Variants in LENG1 observed in about 807,000 individuals in gnomAD.
LENG1 encodes leukocyte receptor cluster member 1, also known as leukocyte receptor cluster (LRC) member 1.
In LENG1, 35 loss-of-function variants were observed where a neutral mutation model predicts 28.8. The ratio of observed to expected loss-of-function variants is 1.22; its 90% CI spans 0.93 to 1.61. The LOEUF (loss-of-function observed/expected upper bound fraction) is 1.61. Ranked by LOEUF, LENG1 falls within the 40% of genes most tolerant of loss-of-function variation. The pLI, the probability that LENG1 is intolerant of heterozygous loss-of-function variation, is 0.00. For missense variants in LENG1, 404 were observed against 348.9 expected, an observed-to-expected ratio of 1.16 and a Z score of -1.26; for synonymous variants, 170 against 140.6, an observed-to-expected ratio of 1.21 and a Z score of -1.48.
chr19:54,156,024 C>G, intron 3 of LENG1, 84 bp from the exon 4 acceptor site: 1 of 1,245,612 alleles, frequency 8.0e-7, no homozygotes, highest in Admixed American at 2.2e-5. Context: ...GAGCTGCCGC[C>G]TGGAAGCCCC....
intron 3 of LENG1, among the ~76,000 whole-genome samples, chr19:54,156,421 G>C (rs1344127514): frequency 6.6e-6 from 1 of 152,184 alleles, no homozygotes; most frequent in Admixed American, 6.5e-5. Context: ...CAAATCATTA[G>C]TGAAAACTAA....
chr19:54,155,300 C>A lies in LENG1; in HGVS notation c.*421G>T. ...CGTCCACTCACTGACCGCCTTCTCC[C>A]CCGGCCAGGGCACCTACATCTACTT... On this transcript the variant is annotated 3_prime_UTR_variant, in exon 4 of 4. Transcript: ENST00000222224. 6.2e-7 allele frequency: 1 copy of A among 1,612,862 alleles called. No homozygotes were observed. The highest frequency in any genetic ancestry group is 1.7e-5 in the Admixed American group (1 of 60,000).
chr19:54,158,914 C>T (rs1379704814), intron 1 of LENG1, among the ~76,000 whole-genome samples: 4 of 152,206 alleles, frequency 2.6e-5, no homozygotes, highest in African/African-American at 9.6e-5. Flanking sequence ...AGACTACCTC[C>T]CACCCACGGC....
Position 54,155,844 on chromosome 19 carries a change from C to T in LENG1, c.672G>A (p.Arg224=), listed in dbSNP as rs112020217. The change falls in exon 4 of 4, where the codon CGG becomes CGA. Residue 224 remains arginine (R), a synonymous_variant. Transcript: ENST00000222224. The part of the protein sequence containing the change: ...AEALLARVQG[R]ALQEGQPEED... ...CTTCCGGCTGACCCTCCTGTAGTGC[C>T]CGGCCTTGGACCCGGGCCAGCAGGG... The T allele has an allele frequency of 1.9e-6, 3 of 1,612,854 alleles. No individual in the cohort carries two copies. In the South Asian group the frequency reaches 3.3e-5, roughly 18 times the overall value.
Position 54,158,311 on chromosome 19 carries a change from C to CTT in LENG1, c.281_282dup (p.Glu95LysfsTer21). The CTT allele has an allele frequency of 6.2e-7, 1 of 1,614,074 alleles. No homozygotes were observed. The highest frequency in any genetic ancestry group is 8.5e-7 in the Non-Finnish European group (1 of 1,179,982). ...TCCTGTCGCTTTTCTTCCTTGTACT[C>CTT]TTTATTGCCTCTGATCACTCCTTTC... is the stretch of plus-strand genomic sequence containing the variant. On this transcript the variant is annotated frameshift_variant, in exon 2 of 4. Transcript: ENST00000222224. LOFTEE classifies it high-confidence loss of function.
rs2075373175 is a variant in LENG1 at position 54,155,876 on chromosome 19, C to CAG, written c.639_640insCT (p.Ala214LeufsTer55). 1 of 1,612,756 alleles carries CAG rather than the reference C, an allele frequency of 6.2e-7. No individual in the cohort carries two copies. The highest frequency in any genetic ancestry group is 1.3e-5 in the African/African-American group (1 of 74,928). The stretch of plus-strand genomic sequence containing the variant: ...TGGACCCGGGCCAGCAGGGCCTCTG[C>CAG]CCGAGACCTCTCAGCTGCTTCCCTC... On this transcript the variant is annotated frameshift_variant, in exon 4 of 4. Transcript: ENST00000222224. LOFTEE classifies it high-confidence loss of function.
rs534983088 is a variant in LENG1 at position 54,157,068 on chromosome 19, A to G, written c.313-43T>C. On this transcript the variant is annotated intron_variant, in intron 2 of 3. Coordinates refer to ENST00000222224, the MANE Select transcript of LENG1 (RefSeq NM_024316.3). Reference sequence around the variant, plus strand: ...TACAAGAGATGTGATATAATCTTTCAAGGTGTCAGGTGTGTCTCCCTGACA... The same window carrying G: ...TACAAGAGATGTGATATAATCTTTCGAGGTGTCAGGTGTGTCTCCCTGACA... The G allele has an allele frequency of 8.8e-6, 13 of 1,473,778 alleles. No homozygotes were observed. The Admixed American group carries it at 3.1e-4, about 35-fold the overall frequency. 91.3% of individuals were successfully genotyped at this position (1,473,778 alleles called of 1,614,324 possible).
In LENG1 at chr19:54,158,285, C is replaced by A. The variant is rs184814518; in HGVS notation, c.309G>T (p.Glu103Asp). ...GAAGTGGGTGAGGCCAGCTTACTTT[C>A]TCCTGTCGCTTTTCTTCCTTGTACT... ...NKEYKEEKRQEKERQEKALGI... is the reference protein window; with the variant it reads ...NKEYKEEKRQDKERQEKALGI... Residue 103 changes from glutamate (E) to aspartate (D), a missense_variant, in exon 2 of 4, where the codon GAG becomes GAT. Transcript: ENST00000222224. 3.6e-5 allele frequency: 58 copies of A among 1,613,312 alleles called. No individual in the cohort carries two copies. The East Asian group carries it at 1.3e-3, about 35-fold the overall frequency.
chr19:54,156,844 C>T lies in LENG1; in HGVS notation c.494G>A (p.Gly165Glu), dbSNP rs1177783210. ...ATCACCGCCGTGCTGTCTCTTCTTCCCCAGATGCTTCTGCATCTCCCGCAG... is the reference window on the plus strand; with the variant it reads ...ATCACCGCCGTGCTGTCTCTTCTTCTCCAGATGCTTCTGCATCTCCCGCAG... ...DPLREMQKHL[G>E]KKRQHGGDEG... Residue 165 changes from glycine (G) to glutamate (E), a missense_variant, in exon 3 of 4, where the codon GGG becomes GAG. Physicochemically the swap from Gly to Glu is moderately conservative, Grantham distance 98 (BLOSUM62 -2). Transcript: ENST00000222224. 5 of 1,614,122 alleles carry T rather than the reference C, an allele frequency of 3.1e-6. No homozygotes were observed. The highest frequency in any genetic ancestry group is 3.4e-6 in the Non-Finnish European group (4 of 1,179,990).
chr19:54,155,467 A>T lies in LENG1; in HGVS notation c.*254T>A. 1 of 1,152,856 alleles carries T rather than the reference A, an allele frequency of 8.7e-7. No individual in the cohort carries two copies. The highest frequency in any genetic ancestry group is 1.2e-6 in the Non-Finnish European group (1 of 804,552). The allele number at this position is 1,152,856 out of a possible 1,614,324, so 71.4% of individuals were successfully genotyped here. On this transcript the variant is annotated 3_prime_UTR_variant, in exon 4 of 4. Coordinates refer to ENST00000222224, the MANE Select transcript of LENG1 (RefSeq NM_024316.3). ...GCATGCTGATCCCCCTGCCCAGGTG[A>T]GGGCCCTGCCCTGGAAGACTGGAGG...
chr19:54,158,316 T>C lies in LENG1; in HGVS notation c.278A>G (p.Asn93Ser), dbSNP rs147827510. Residue 93 changes from asparagine (N) to serine (S), a missense_variant, in exon 2 of 4, where the codon AAT becomes AGT. Physicochemically the swap from Asn to Ser is conservative, Grantham distance 46. Transcript: ENST00000222224. ...LEEGKGVIRG[N>S]KEYKEEKRQE... is the part of the protein sequence containing the mutation. ...TCGCTTTTCTTCCTTGTACTCTTTA[T>C]TGCCTCTGATCACTCCTTTCCCTTC... 45 of 1,614,164 alleles carry C rather than the reference T, an allele frequency of 2.8e-5. No homozygotes were observed. The African/African-American group carries it at 3.7e-4, about 13-fold the overall frequency.
chr19:54,155,430 C>T lies in LENG1; in HGVS notation c.*291G>A, dbSNP rs763276961. On this transcript the variant is annotated 3_prime_UTR_variant, in exon 4 of 4. Coordinates refer to ENST00000222224, the MANE Select transcript of LENG1 (RefSeq NM_024316.3). The stretch of plus-strand genomic sequence containing the variant: ...TGACACCGGCCCCTCCCTCTACCCA[C>T]CCCCTTCCCCCGCATGCTGATCCCC... 6.1e-6 allele frequency: 9 copies of T among 1,474,018 alleles called. No individual in the cohort carries two copies. Among genetic ancestry groups the T allele is most frequent in the South Asian group, 3.6e-5 (3 of 83,012 alleles). 91.3% of individuals were successfully genotyped at this position (1,474,018 alleles called of 1,614,324 possible).
intron 1 of LENG1, 128 bp from the exon 2 acceptor site, chr19:54,158,589 TA>T: frequency 1.2e-6 from 1 of 810,384 alleles, no homozygotes; most frequent in Non-Finnish European, 2.0e-6. Flanking sequence ...ACTAGGCGCC[TA>T]AAAGAGGCAC....
Position 54,159,672 on chromosome 19 carries a change from G to A in LENG1, c.24C>T (p.Ser8=). 6.2e-7 allele frequency: 1 copy of A among 1,613,142 alleles called. No homozygotes were observed. The highest frequency in any genetic ancestry group is 8.5e-7 in the Non-Finnish European group (1 of 1,179,770). The change falls in exon 1 of 4, where the codon AGC becomes AGT. Residue 8 remains serine, a synonymous_variant. Coordinates refer to ENST00000222224, the MANE Select transcript of LENG1 (RefSeq NM_024316.3). MNILPKK[S]WHVRNKDNVA... The stretch of plus-strand genomic sequence containing the variant: ...CATTGTCCTTGTTCCGGACGTGCCA[G>A]CTCTTCTTGGGCAAGATATTCATGG...
rs754236725 is a variant in LENG1, at chr19:54,156,902, G to C, written c.436C>G (p.Pro146Ala). 9.3e-6 allele frequency: 15 copies of C among 1,612,972 alleles called. No individual in the cohort carries two copies. In the East Asian group the frequency reaches 2.9e-4, roughly 31 times the overall value. Reference protein sequence around the residue: ...GRGGPPPGPAPDEKIKSRLDP... With the variant: ...GRGGPPPGPAADEKIKSRLDP... ...AGACGGCTCTTGATCTTCTCATCTG[G>C]GGCTGGGCCGGGCGGGGGGCCCCCT... The change falls in exon 3 of 4, where the codon CCA becomes GCA. Residue 146 changes from proline (P) to alanine (A), a missense_variant. By Grantham distance (27) the Pro-to-Ala change is conservative. Coordinates refer to ENST00000222224, the MANE Select transcript of LENG1 (RefSeq NM_024316.3).
In LENG1 at chr19:54,155,461, C is replaced by T. The variant is rs1186832654; in HGVS notation, c.*260G>A. 1.8e-5 allele frequency: 22 copies of T among 1,211,922 alleles called. No individual in the cohort carries two copies. Among genetic ancestry groups the T allele is most frequent in the Non-Finnish European group, 2.5e-5 (21 of 850,112 alleles). The allele number at this position is 1,211,922 out of a possible 1,614,324, so 75.1% of individuals were successfully genotyped here. ...TCCCCCGCATGCTGATCCCCCTGCC[C>T]AGGTGAGGGCCCTGCCCTGGAAGAC... On this transcript the variant is annotated 3_prime_UTR_variant, in exon 4 of 4. Transcript: ENST00000222224.
rs767437424 is a variant in LENG1, at chr19:54,155,783, A to AGTT, written c.730_732dup (p.Asn244dup). The AGTT allele has an allele frequency of 1.9e-6, 3 of 1,610,386 alleles. No individual in the cohort carries two copies. Among genetic ancestry groups the AGTT allele is most frequent in the Non-Finnish European group, 2.5e-6 (3 of 1,179,414 alleles). On this transcript the variant is annotated inframe_insertion, in exon 4 of 4. Transcript: ENST00000222224. The stretch of plus-strand genomic sequence containing the variant: ...CGGGCCAGCTGGGGGTTGAATTGGG[A>AGTT]GTTGTACCGCCGCCGCCGGTCATCC...
chr19:54,156,910 C>T lies in LENG1; in HGVS notation c.428G>A (p.Gly143Asp). The change falls in exon 3 of 4, where the codon GGC (glycine) becomes GAC (aspartate). Residue 143 changes from glycine (G) to aspartate (D), a missense_variant. Physicochemically the swap from Gly to Asp is moderately conservative, Grantham distance 94. Coordinates refer to ENST00000222224, the MANE Select transcript of LENG1 (RefSeq NM_024316.3). ...CTTGATCTTCTCATCTGGGGCTGGGCCGGGCGGGGGGCCCCCTCGCCCTGG... is the reference window on the plus strand; with the variant it reads ...CTTGATCTTCTCATCTGGGGCTGGGTCGGGCGGGGGGCCCCCTCGCCCTGG... ...LPPGRGGPPP[G>D]PAPDEKIKSR... 1.3e-6 allele frequency: 2 copies of T among 1,484,818 alleles called. No individual in the cohort carries two copies. Among genetic ancestry groups the T allele is most frequent in the Non-Finnish European group, 1.9e-6 (2 of 1,071,438 alleles). The allele number at this position is 1,484,818 out of a possible 1,614,324, so 92.0% of individuals were successfully genotyped here. A position where few individuals can be genotyped will look rare whatever the true frequency, so the allele number is the denominator to read the frequency against.
rs201205875 is a variant in LENG1, at chr19:54,155,903, G to A, written c.613C>T (p.Arg205Trp). The A allele has an allele frequency of 7.6e-5, 122 of 1,612,260 alleles. No homozygotes were observed. The highest frequency in any genetic ancestry group is 2.8e-4 in the Admixed American group (17 of 59,882). ...CGAGACCTCTCAGCTGCTTCCCTCC[G>A]CAGACGTTCAGCTCGAAGCTGGTCC... Reference protein sequence around the residue: ...SLDQLRAERLRREAAERSRAE... With the variant: ...SLDQLRAERLWREAAERSRAE... The change falls in exon 4 of 4, where the codon CGG (arginine) becomes TGG (tryptophan). Residue 205 changes from arginine to tryptophan, a missense_variant. By Grantham distance (101) the Arg-to-Trp change is moderately radical. Transcript: ENST00000222224.
Sources: gnomAD v4.1 joint callset for allele counts (sites outside exome capture counted in the v4.1 genomes callset) on GRCh38, gnomAD v4.1.1 for gene constraint, MANE v1.5 for transcripts, NCBI Gene and HGNC (gene_info 2026-07-23, HGNC 2026-07-21) for gene names.